NLRP14: variants seen among roughly 807,000 people sequenced by gnomAD.
NLRP14 encodes NLR family pyrin domain containing 14, also known as NACHT, LRR and PYD domains-containing protein 14.
In NLRP14, 105 loss-of-function variants were observed where a neutral mutation model predicts 94.7. The observed-to-expected ratio is 1.11, with a 90% confidence interval of 0.95 to 1.30. The LOEUF (loss-of-function observed/expected upper bound fraction) is 1.30. NLRP14 is among the 50% of genes most tolerant of loss of function. NLRP14 has a pLI of 0.00. For synonymous variants in NLRP14, 508 were observed against 459.9 expected (o/e 1.10, Z -1.34); for missense variants, 1,362 against 1,254.1 (o/e 1.09, Z -1.30).
chr11:7,047,343 C>T (rs754072209), intron 5 of NLRP14, among the ~76,000 whole-genome samples: 3 of 150,054 alleles, frequency 2.0e-5, no homozygotes, highest in Non-Finnish European at 2.9e-5. Flanking sequence ...GAGACAGGGT[C>T]TTACTCTGTT....
chr11:7,070,799 T>C (rs1233134587), intron 11 of NLRP14, among the ~76,000 whole-genome samples: 2 of 152,164 alleles, frequency 1.3e-5, no homozygotes, highest in Non-Finnish European at 2.9e-5. Context: ...ATCATGAGGA[T>C]CTGAGTCAAT....
chr11:7,090,520 C>A, the NLRP14 span: 1 of 625,972 alleles, frequency 1.6e-6, no homozygotes, highest in Non-Finnish European at 2.8e-6. Context: ...CAACAAGCTC[C>A]TGTTAAAAGT....
Position 7,043,540 on chromosome 11 carries a change from G to A in NLRP14, c.1514G>A (p.Cys505Tyr). The A allele has an allele frequency of 6.2e-7, 1 of 1,614,144 alleles. No individual in the cohort carries two copies. The highest frequency in any genetic ancestry group is 8.5e-7 in the Non-Finnish European group (1 of 1,179,994). Residue 505 changes from cysteine to tyrosine, a missense_variant, in exon 4 of 12, where the codon TGC becomes TAC. Physicochemically the swap from Cys to Tyr is radical, Grantham distance 194. Transcript: ENST00000299481. ...AGTTGGGAAGCTGGGAACCCTTCCT[G>A]CCAGCCTTTTGAAGATTTGAAGTCA... Reference protein sequence around the residue: ...KGSWEAGNPSCQPFEDLKSLL... With the variant: ...KGSWEAGNPSYQPFEDLKSLL...
intron 10 of NLRP14, among the ~76,000 whole-genome samples, chr11:7,065,450 C>G (rs143167133): frequency 6.6e-6 from 1 of 151,988 alleles, no homozygotes; most frequent in African/African-American, 2.4e-5. Flanking sequence ...TTTGTAGATA[C>G]TTTTGTATTT....
intron 10 of NLRP14, among the ~76,000 whole-genome samples, chr11:7,066,803 TG>T (rs1170861933): frequency 4.6e-5 from 7 of 152,192 alleles, no homozygotes; most frequent in African/African-American, 1.7e-4. Context: ...TAGGTTTTCT[TG>T]CAGGGTTTTG....
chr11:7,046,949 TAA>T, intron 5 of NLRP14, 117 bp downstream of exon 5: 1 of 821,478 alleles, frequency 1.2e-6, no homozygotes, highest in South Asian at 1.4e-5. Context: ...ATCCATTTTG[TAA>T]AATAAACAGG....
chr11:7,065,470 A>G (rs1422263839), intron 10 of NLRP14, among the ~76,000 whole-genome samples: 1 of 152,132 alleles, frequency 6.6e-6, no homozygotes, highest in Non-Finnish European at 1.5e-5. Flanking sequence ...TTTTAGGTAT[A>G]CAATCACATC....
chr11:7,043,687 T>C lies in NLRP14; in HGVS notation c.1661T>C (p.Leu554Pro), dbSNP rs1203297245. ...LERTFNCKMSLKIKSKLLQCM... is the reference protein window; with the variant it reads ...LERTFNCKMSPKIKSKLLQCM... ...AGGACTTTTAACTGTAAAATGTCACTGAAGATAAAATCAAAGTTACTTCAG... is the reference window on the plus strand; with the variant it reads ...AGGACTTTTAACTGTAAAATGTCACCGAAGATAAAATCAAAGTTACTTCAG... The change falls in exon 4 of 12, where the codon CTG (leucine) becomes CCG (proline). Residue 554 changes from leucine to proline, a missense_variant. Physicochemically the swap from Leu to Pro is moderately conservative, Grantham distance 98. Transcript: ENST00000299481. The C allele has an allele frequency of 1.2e-6, 2 of 1,614,088 alleles. No individual in the cohort carries two copies. The highest frequency in any genetic ancestry group is 1.3e-5 in the African/African-American group (1 of 75,048).
chr11:7,078,093 T>C, the NLRP14 span, among the ~76,000 whole-genome samples: 3 of 152,200 alleles, frequency 2.0e-5, no homozygotes, highest in African/African-American at 7.2e-5. Flanking sequence ...TGGAAAATTT[T>C]ATGTGCATTT....
chr11:7,085,668 A>G, the NLRP14 span, among the ~76,000 whole-genome samples: 304 of 152,324 alleles, frequency 2.0e-3, 2 homozygotes, highest in African/African-American at 6.7e-3. Flanking sequence ...TCCCTGATAT[A>G]AAATTATGTA....
At chr11:7,073,588 C>T (rs1024134397), downstream of NLRP14, among the ~76,000 whole-genome samples, 17 of 152,188 alleles carry the variant, frequency 1.1e-4, no homozygotes, top group African/African-American at 3.9e-4. Flanking sequence ...AGGTTGTGAC[C>T]TGTTCTTCTG....
intron 9 of NLRP14, among the ~76,000 whole-genome samples, chr11:7,061,322 T>C (rs185303651): frequency 5.2e-4 from 79 of 152,246 alleles, no homozygotes; most frequent in Non-Finnish European, 1.5e-4. Context: ...AAAGTTTTAC[T>C]TAATGGATGT....
intron 9 of NLRP14, among the ~76,000 whole-genome samples, chr11:7,061,155 C>G (rs1852614358): frequency 6.6e-6 from 1 of 151,948 alleles, no homozygotes; most frequent in African/African-American, 2.4e-5. Flanking sequence ...AACTAAACTT[C>G]CAAATGAGTT....
At position 7,058,373 on chromosome 11, in the gene NLRP14, C is replaced by A. The variant is rs775865694; in HGVS notation, c.2556C>A (p.Asp852Glu). 1.9e-6 allele frequency: 3 copies of A among 1,612,426 alleles called. No individual in the cohort carries two copies. The highest frequency in any genetic ancestry group is 2.5e-6 in the Non-Finnish European group (3 of 1,178,690). ...NKRLTHLCLA[D>E]NVLGDGGVKL... ...GACTGACACATTTGTGCTTGGCAGA[C>A]AATGTCTTGGGTGATGGTGGAGTAA... Residue 852 changes from aspartate to glutamate, a missense_variant, in exon 8 of 12, where the codon GAC (aspartate) becomes GAA (glutamate). Coordinates refer to ENST00000299481, the MANE Select transcript of NLRP14 (RefSeq NM_176822.4).
chr11:7,065,726 A>G (rs542247066), intron 10 of NLRP14, among the ~76,000 whole-genome samples: 1 of 152,074 alleles, frequency 6.6e-6, no homozygotes, highest in Admixed American at 6.6e-5. Context: ...TTTTTTAATT[A>G]TACTTTAAGT....
At chr11:7,059,493 A>G (rs1468729731) in intron 8 of NLRP14, among the ~76,000 whole-genome samples, 1 of 151,968 alleles carries the variant, frequency 6.6e-6, no homozygotes, top group African/African-American at 2.4e-5. Flanking sequence ...TACAAAAGCA[A>G]TAATGGCATA....
At chr11:7,038,251 A>G (rs1381421356) in intron 1 of NLRP14, among the ~76,000 whole-genome samples, 1 of 152,186 alleles carries the variant, frequency 6.6e-6, no homozygotes, top group African/African-American at 2.4e-5. Flanking sequence ...TGGCTCTGCT[A>G]TCCCCACTTA....
chr11:7,052,413 A>G (rs1370777022), intron 6 of NLRP14, among the ~76,000 whole-genome samples: 3 of 152,206 alleles, frequency 2.0e-5, no homozygotes, highest in Non-Finnish European at 4.4e-5. Flanking sequence ...ACCTTGGATC[A>G]CTTGAGGCCA....
chr11:7,066,837 A>G (rs1852713163), intron 10 of NLRP14, among the ~76,000 whole-genome samples: 1 of 152,164 alleles, frequency 6.6e-6, no homozygotes, highest in Non-Finnish European at 1.5e-5. Flanking sequence ...CTTATGTTTA[A>G]GTCTTTAATC....
Sources: allele counts gnomAD v4.1 joint callset (sites outside exome capture counted in the v4.1 genomes callset), GRCh38; gene constraint gnomAD v4.1.1; transcripts MANE v1.5; gene names NCBI Gene and HGNC (gene_info 2026-07-23, HGNC 2026-07-21).